TPD52: variants seen among roughly 807,000 people sequenced by gnomAD.
TPD52 encodes the protein tumor protein D52, also known as prostate and colon associated protein.
In TPD52, 17 loss-of-function variants were observed where a neutral mutation model predicts 31.3. The observed-to-expected ratio is 0.54, with a 90% CI of 0.37 to 0.82. The LOEUF (loss-of-function observed/expected upper bound fraction) is 0.82, where lower values mean the gene tolerates loss of function less well. Ranked by LOEUF, TPD52 falls within the 40% of genes least tolerant of loss-of-function variation. TPD52 has a pLI of 0.00. For synonymous variants in TPD52, 83 were observed against 89.6 expected, an observed-to-expected ratio of 0.93 and a Z score of 0.42; for missense variants, 212 against 240.1, an observed-to-expected ratio of 0.88 and a Z score of 0.77.
chr8:80,101,175 C>T (rs1318039622), intron 1 of TPD52, among the ~76,000 whole-genome samples: 2 of 152,204 alleles, frequency 1.3e-5, no homozygotes, highest in Non-Finnish European at 2.9e-5. Flanking sequence ...AGGCCGGGCG[C>T]GGTGGCTCAC....
chr8:80,044,581 G>C (rs1340042697), intron 5 of TPD52, among the ~76,000 whole-genome samples: 1 of 141,702 alleles, frequency 7.1e-6, no homozygotes, highest in Non-Finnish European at 1.5e-5. Flanking sequence ...CAAAAATGAA[G>C]CATGCACACA....
intron 5 of TPD52, among the ~76,000 whole-genome samples, chr8:80,046,043 T>C (rs1287203441): frequency 1.3e-5 from 2 of 152,236 alleles, no homozygotes; most frequent in South Asian, 2.1e-4. Flanking sequence ...TTCTAGTCAC[T>C]GTCCCTAAGA....
intron 1 of TPD52, among the ~76,000 whole-genome samples, chr8:80,090,297 G>A (rs1195026690): frequency 1.3e-5 from 2 of 152,208 alleles, no homozygotes; most frequent in African/African-American, 4.8e-5. Flanking sequence ...TACTCAGGAG[G>A]CTGGGTCAGA....
At chr8:80,137,711 T>C (rs537153613) in intron 1 of TPD52, among the ~76,000 whole-genome samples, 2 of 152,346 alleles carry the variant, frequency 1.3e-5, no homozygotes, top group East Asian at 3.9e-4. Flanking sequence ...GTAGGACTCT[T>C]ACAGCAGTAC....
chr8:80,091,496 A>G (rs35305784), intron 1 of TPD52, among the ~76,000 whole-genome samples: 106,092 of 151,094 alleles, frequency 0.7, 38,205 homozygotes, highest in African/African-American at 0.88. Flanking sequence ...ACAAAAGAGC[A>G]TTACTATTTT....
At chr8:80,140,283 G>A (rs1809739108) in intron 1 of TPD52, among the ~76,000 whole-genome samples, 1 of 152,142 alleles carries the variant, frequency 6.6e-6, no homozygotes, top group East Asian at 1.9e-4. Flanking sequence ...GTAGGTTAGA[G>A]TTAGAATCTT....
chr8:80,048,644 T>C (rs1312017500), intron 5 of TPD52, among the ~76,000 whole-genome samples: 4 of 152,244 alleles, frequency 2.6e-5, no homozygotes, highest in African/African-American at 9.6e-5. Flanking sequence ...CTAAAAGATG[T>C]AGGTTTTCTT....
chr8:80,064,330 C>G, intron 2 of TPD52, 148 bp downstream of exon 2: 1 of 660,438 alleles, frequency 1.5e-6, no homozygotes, highest in Non-Finnish European at 2.7e-6. Flanking sequence ...TATCTCCTCT[C>G]CCCTACTCAA....
intron 1 of TPD52, among the ~76,000 whole-genome samples, chr8:80,160,041 A>G (rs1811241550): frequency 6.6e-6 from 1 of 152,120 alleles, no homozygotes; most frequent in Admixed American, 6.5e-5. Context: ...CAATAAAAAA[A>G]TTAGCCAGGC....
intron 2 of TPD52, among the ~76,000 whole-genome samples, chr8:80,062,806 T>C (rs1225827077): frequency 6.6e-6 from 1 of 151,756 alleles, no homozygotes; most frequent in Non-Finnish European, 1.5e-5. Context: ...CTATGAAAAA[T>C]AAAAATTAAA....
chr8:80,159,001 C>A (rs2131244065), intron 1 of TPD52: 1 of 147,980 alleles, frequency 6.8e-6, no homozygotes, highest in East Asian at 2.0e-4. Flanking sequence ...AGAACCGCAT[C>A]GAAAATGTGT....
intron 7 of TPD52, among the ~76,000 whole-genome samples, chr8:80,039,435 T>C (rs1362831500): frequency 6.6e-6 from 1 of 151,912 alleles, no homozygotes; most frequent in Non-Finnish European, 1.5e-5. Flanking sequence ...TTTTTTTCCG[T>C]GTCACTTCTC....
intron 1 of TPD52, among the ~76,000 whole-genome samples, chr8:80,144,486 G>T (rs543540863): frequency 2.0e-5 from 3 of 152,176 alleles, no homozygotes; most frequent in Non-Finnish European, 4.4e-5. Context: ...GCCTGTCTTT[G>T]TCACACAGCT....
At chr8:80,131,816 A>C (rs528343893) in intron 1 of TPD52, among the ~76,000 whole-genome samples, 15 of 152,218 alleles carry the variant, frequency 9.9e-5, no homozygotes, top group Admixed American at 2.0e-4. Context: ...CTATTAATAG[A>C]TGTGGGTGGA....
rs1333429744 is a variant in TPD52, at chr8:80,072,315, A to ATGTGTGTGTG, written c.20-7723_20-7722insCACACACACA. ...GAGAGAGACTCCATCTAAAAAACAT[A>ATGTGTGTGTG]TATGTGTGTGTGTGTGTGTGTGTGT... On this transcript the variant is annotated intron_variant, in intron 1 of 7. Coordinates refer to ENST00000518937, the MANE Select transcript of TPD52 (RefSeq NM_001025253.3). Among the ~76,000 whole-genome samples, 57 of 70,428 alleles carry ATGTGTGTGTG rather than the reference A, an allele frequency of 8.1e-4. 3 individuals are homozygous for ATGTGTGTGTG. In the East Asian group the frequency reaches 0.022, roughly 27 times the overall value. The allele number at this position is 70,428 out of a possible 152,430, so 46.2% of individuals were successfully genotyped here. A position where few individuals can be genotyped will look rare whatever the true frequency, so the allele number is the denominator to read the frequency against.
intron 1 of TPD52, chr8:80,127,745 T>C (rs1264140512): frequency 4.0e-5 from 6 of 151,386 alleles, no homozygotes; most frequent in African/African-American, 1.5e-4. Flanking sequence ...TCCTATAATC[T>C]AGAACCTGAC....
intron 1 of TPD52, among the ~76,000 whole-genome samples, chr8:80,161,717 T>C (rs1397173131): frequency 2.6e-5 from 2 of 77,328 alleles, no homozygotes; most frequent in East Asian, 1.2e-3. Flanking sequence ...CACATTTATA[T>C]ATATATATAT....
At chr8:80,042,324 T>G (rs1810467142) in intron 7 of TPD52, 1 of 985,468 alleles carries the variant, frequency 1.0e-6, no homozygotes, top group Non-Finnish European at 1.2e-6. Context: ...TTTGTCCACC[T>G]ACAAAGGTAC....
chr8:80,064,204 A>T (rs1325980824), intron 2 of TPD52, among the ~76,000 whole-genome samples: 1 of 152,074 alleles, frequency 6.6e-6, no homozygotes, highest in East Asian at 1.9e-4. Flanking sequence ...AGTCCCTTAG[A>T]AGACATTCAC....
Sources: gnomAD v4.1 joint callset for allele counts (sites outside exome capture counted in the v4.1 genomes callset) on GRCh38, gnomAD v4.1.1 for gene constraint, MANE v1.5 for transcripts, NCBI Gene and HGNC (gene_info 2026-07-23, HGNC 2026-07-21) for gene names.